The following CSMD3 variants were observed in gnomAD, a reference collection of about 807,000 sequenced individuals.
The protein encoded by CSMD3 is CUB and Sushi multiple domains 3, also known as CUB and sushi domain-containing protein 3.
A neutral mutation model predicts 435.2 loss-of-function variants in CSMD3; 177 were observed. That is an observed-to-expected ratio of 0.41 (90% CI 0.36 to 0.46). The LOEUF is 0.46. CSMD3 is among the 20% of genes least tolerant of loss of function. The pLI is 0.34. For synonymous variants in CSMD3, 1,656 were observed against 1,520.5 expected (o/e 1.09, Z -2.07); for missense variants, 4,265 against 4,504.6 (o/e 0.95, Z 1.52).
At chr8:113,166,329 A>T (rs1365954597) in intron 4 of CSMD3, among the ~76,000 whole-genome samples, 5 of 152,034 alleles carry the variant, frequency 3.3e-5, no homozygotes, top group Non-Finnish European at 5.9e-5. Context: ...ATATAGTGAA[A>T]CCACATCTCT....
At chr8:112,542,411 A>C (rs1826763612) in intron 27 of CSMD3, among the ~76,000 whole-genome samples, 1 of 151,758 alleles carries the variant, frequency 6.6e-6, no homozygotes, top group South Asian at 2.1e-4. Flanking sequence ...TATATAGAAA[A>C]TCCTAAAGAC....
intron 36 of CSMD3, among the ~76,000 whole-genome samples, chr8:112,389,481 A>G (rs1217037115): frequency 6.6e-6 from 1 of 152,228 alleles, no homozygotes. Context: ...GTAAGTATGC[A>G]TCTATAATCT....
intron 23 of CSMD3, among the ~76,000 whole-genome samples, chr8:112,579,794 A>T (rs772834676): frequency 2.0e-5 from 3 of 152,040 alleles, no homozygotes; most frequent in Non-Finnish European, 4.4e-5. Context: ...GTTATTAATC[A>T]AGTCCTTTGA....
At chr8:113,197,134 A>G (rs1300834487) in intron 3 of CSMD3, among the ~76,000 whole-genome samples, 1 of 151,264 alleles carries the variant, frequency 6.6e-6, no homozygotes, top group Non-Finnish European at 1.5e-5. Flanking sequence ...TACTAATCCA[A>G]AAACCTGAAA....
At chr8:113,369,587 A>G (rs2094334434) in intron 1 of CSMD3, among the ~76,000 whole-genome samples, 1 of 151,970 alleles carries the variant, frequency 6.6e-6, no homozygotes, top group South Asian at 2.1e-4. Flanking sequence ...TCAGTATGTC[A>G]AAGAGATATC....
chr8:112,334,578 G>T (rs1251599176), intron 45 of CSMD3, among the ~76,000 whole-genome samples: 1 of 152,124 alleles, frequency 6.6e-6, no homozygotes, highest in Non-Finnish European at 1.5e-5. Context: ...GTGTTATAAT[G>T]AGACTGTAGT....
At chr8:112,668,179 T>A (rs911233364) in intron 16 of CSMD3, among the ~76,000 whole-genome samples, 24 of 152,174 alleles carry the variant, frequency 1.6e-4, no homozygotes, top group Non-Finnish European at 2.8e-4. Flanking sequence ...AAGGAGGCCA[T>A]TTTTATGAGG....
chr8:112,369,729 G>A (rs907281719), intron 38 of CSMD3, among the ~76,000 whole-genome samples: 1 of 151,824 alleles, frequency 6.6e-6, no homozygotes, highest in East Asian at 1.9e-4. Context: ...GGGTGCAAGG[G>A]CAGGGAGAGC....
At chr8:112,240,227 C>A (rs980260134) in intron 66 of CSMD3, among the ~76,000 whole-genome samples, 11 of 152,020 alleles carry the variant, frequency 7.2e-5, no homozygotes, top group Non-Finnish European at 1.5e-4. Context: ...GCTATGAAGA[C>A]TAACTTTGCG....
At chr8:113,038,167 A>C (rs566200431) in intron 5 of CSMD3, among the ~76,000 whole-genome samples, 20 of 152,344 alleles carry the variant, frequency 1.3e-4, no homozygotes, top group African/African-American at 4.8e-4. Context: ...CATACGTATT[A>C]CTTATTTAAA....
intron 5 of CSMD3, among the ~76,000 whole-genome samples, chr8:113,084,659 T>C (rs1009997217): frequency 1.2e-4 from 14 of 115,992 alleles, no homozygotes; most frequent in African/African-American, 4.6e-4. Flanking sequence ...TCCAAAGCAA[T>C]ACTAAGAAAA....
chr8:113,215,146 A>G (rs2092888006), intron 3 of CSMD3, among the ~76,000 whole-genome samples: 1 of 151,872 alleles, frequency 6.6e-6, no homozygotes, highest in South Asian at 2.1e-4. Context: ...ACTGATCTTT[A>G]CTTACTGATA....
At chr8:112,588,061 T>C (rs1455491578) in intron 22 of CSMD3, among the ~76,000 whole-genome samples, 4 of 151,886 alleles carry the variant, frequency 2.6e-5, no homozygotes, top group Non-Finnish European at 4.4e-5. Flanking sequence ...CTTCAAATTC[T>C]TAAATATGTT....
chr8:112,286,958 G>C (rs1443874947), intron 58 of CSMD3, 106 bp downstream of exon 58: 5 of 875,710 alleles, frequency 5.7e-6, no homozygotes, highest in Non-Finnish European at 9.6e-6. Context: ...CATAGTTGCA[G>C]GCAGAATAAA....
intron 23 of CSMD3, among the ~76,000 whole-genome samples, chr8:112,583,301 G>A (rs924099185): frequency 1.3e-5 from 2 of 150,458 alleles, no homozygotes; most frequent in Non-Finnish European, 3.0e-5. Context: ...TTTTGGACTG[G>A]TGAACTTTGA....
chr8:112,378,441 A>G (rs996603852), intron 38 of CSMD3, among the ~76,000 whole-genome samples: 2 of 152,156 alleles, frequency 1.3e-5, no homozygotes, highest in Admixed American at 1.3e-4. Context: ...GGATGAATGG[A>G]TAAGGAAAAT....
At chr8:112,478,490 T>G (rs1819292885) in intron 31 of CSMD3, among the ~76,000 whole-genome samples, 1 of 152,208 alleles carries the variant, frequency 6.6e-6, no homozygotes, top group Non-Finnish European at 1.5e-5. Context: ...TGTATTATTC[T>G]CTAGCAAAGA....
At chr8:112,905,363 T>A (rs888492217) in intron 10 of CSMD3, among the ~76,000 whole-genome samples, 5 of 150,684 alleles carry the variant, frequency 3.3e-5, no homozygotes, top group African/African-American at 1.2e-4. Flanking sequence ...GTCAATATGT[T>A]ATGGATGTTA....
chr8:112,266,232 C>T (rs187985291), intron 59 of CSMD3, among the ~76,000 whole-genome samples: 1 of 152,278 alleles, frequency 6.6e-6, no homozygotes, highest in East Asian at 1.9e-4. Context: ...CGTTTGCATC[C>T]AACCCCTAAA....
Sources: allele counts gnomAD v4.1 joint callset (sites outside exome capture counted in the v4.1 genomes callset), GRCh38; gene constraint gnomAD v4.1.1; transcripts MANE v1.5; gene names NCBI Gene and HGNC (gene_info 2026-07-23, HGNC 2026-07-21).